Variants in PRKD1 observed in about 807,000 individuals in gnomAD.
PRKD1 encodes the protein serine/threonine-protein kinase D1.
PRKD1 carries 63 observed loss-of-function variants against 95.9 expected under a neutral mutation model. That is an observed-to-expected ratio of 0.66 (90% CI 0.54 to 0.81). The LOEUF is 0.81. PRKD1 is among the 30% of genes least tolerant of loss of function. The pLI, the probability that PRKD1 is intolerant of heterozygous loss-of-function variation, is 0.00. For synonymous variants in PRKD1, 425 were observed against 423.1 expected (o/e 1.00, Z -0.05); for missense variants, 1,048 against 1,165.3 (o/e 0.90, Z 1.47).
intron 3 of PRKD1, among the ~76,000 whole-genome samples, chr14:29,664,992 A>T (rs182778871): frequency 6.6e-6 from 1 of 152,278 alleles, no homozygotes; most frequent in East Asian, 1.9e-4. Context: ...TAGTCGGCTG[A>T]TAAAATATTG....
chr14:29,611,950 A>T (rs778930216), intron 13 of PRKD1, among the ~76,000 whole-genome samples: 1 of 152,172 alleles, frequency 6.6e-6, no homozygotes, highest in South Asian at 2.1e-4. Flanking sequence ...TTGGCATTAG[A>T]TTTTAAGTGT....
chr14:29,910,359 G>T (rs561670733), intron 1 of PRKD1, among the ~76,000 whole-genome samples: 2 of 152,018 alleles, frequency 1.3e-5, no homozygotes, highest in African/African-American at 4.8e-5. Flanking sequence ...CTCTGAACAC[G>T]TCCGAACATC....
intron 9 of PRKD1, among the ~76,000 whole-genome samples, chr14:29,632,417 T>A (rs1880065432): frequency 1.3e-5 from 2 of 151,928 alleles, no homozygotes; most frequent in Non-Finnish European, 2.9e-5. Context: ...AGAATAAAAA[T>A]TGCTGCCATT....
chr14:29,688,121 C>A (rs1883990064), intron 2 of PRKD1, among the ~76,000 whole-genome samples: 1 of 152,156 alleles, frequency 6.6e-6, no homozygotes, highest in African/African-American at 2.4e-5. Context: ...CCAGCTTTTG[C>A]ATTTCTTGGC....
At chr14:29,697,703 A>ATT (rs535078647) in intron 2 of PRKD1, among the ~76,000 whole-genome samples, 2 of 149,586 alleles carry the variant, frequency 1.3e-5, no homozygotes, top group Non-Finnish European at 3.0e-5. Flanking sequence ...GTTCCTTTTC[A>ATT]TTTTTTTTTT....
intron 2 of PRKD1, among the ~76,000 whole-genome samples, chr14:29,702,810 C>T (rs991869173): frequency 6.6e-6 from 1 of 152,072 alleles, no homozygotes; most frequent in Non-Finnish European, 1.5e-5. Context: ...TGATTTTCTT[C>T]CTGAGACCAT....
In PRKD1 at chr14:29,715,048, T is replaced by C. The variant is rs1004129098; in HGVS notation, c.403+10488A>G. 3.3e-5 allele frequency among the ~76,000 whole-genome samples: 5 copies of C among 152,172 alleles called. 1 individual carries two copies. The highest frequency in any genetic ancestry group is 3.3e-4 in the Admixed American group (5 of 15,258). ...GGGTGCGGCAATCCACCATGGCACA[T>C]GTATACCTATGTAACAAACCTGCAT... On this transcript the variant is annotated intron_variant, in intron 2 of 17. Transcript: ENST00000331968.
chr14:29,878,042 C>A (rs1408555075), intron 1 of PRKD1, among the ~76,000 whole-genome samples: 1 of 152,098 alleles, frequency 6.6e-6, no homozygotes, highest in African/African-American at 2.4e-5. Context: ...GGCAAACTAA[C>A]CTAGGAACAA....
intron 1 of PRKD1, among the ~76,000 whole-genome samples, chr14:29,924,507 C>T (rs1895231327): frequency 6.6e-6 from 1 of 152,122 alleles, no homozygotes; most frequent in Non-Finnish European, 1.5e-5. Context: ...CTAATATTTC[C>T]AATGCTCGTA....
At chr14:29,802,627 A>G (rs1049532843) in intron 1 of PRKD1, among the ~76,000 whole-genome samples, 3 of 152,234 alleles carry the variant, frequency 2.0e-5, no homozygotes, top group Admixed American at 6.5e-5. Context: ...AGTCAGTTGG[A>G]GCAACAGATA....
At chr14:29,829,085 C>T (rs1410988151) in intron 1 of PRKD1, among the ~76,000 whole-genome samples, 1 of 152,142 alleles carries the variant, frequency 6.6e-6, no homozygotes, top group African/African-American at 2.4e-5. Context: ...GGCCATGGCC[C>T]AGGCAAACCC....
chr14:29,884,862 C>G (rs1300314483), intron 1 of PRKD1, among the ~76,000 whole-genome samples: 2 of 152,182 alleles, frequency 1.3e-5, no homozygotes, highest in Non-Finnish European at 2.9e-5. Context: ...GTGGCTCACG[C>G]CTGTAATCCC....
chr14:29,723,605 G>A (rs1269442593), intron 2 of PRKD1, among the ~76,000 whole-genome samples: 1 of 152,002 alleles, frequency 6.6e-6, no homozygotes, highest in Non-Finnish European at 1.5e-5. Flanking sequence ...TGGGAGAGGA[G>A]CTGGGAGAGT....
intron 1 of PRKD1, among the ~76,000 whole-genome samples, chr14:29,864,171 T>A (rs568421949): frequency 6.6e-6 from 1 of 152,182 alleles, no homozygotes; most frequent in Admixed American, 6.5e-5. Flanking sequence ...ACAATGACCA[T>A]ATGTGAATTC....
At chr14:29,674,292 T>C (rs1424355408) in intron 2 of PRKD1, among the ~76,000 whole-genome samples, 1 of 152,186 alleles carries the variant, frequency 6.6e-6, no homozygotes, top group Admixed American at 6.5e-5. Context: ...AGCCTATGTT[T>C]CCACTCCAGA....
At chr14:29,750,806 G>A (rs1305640480) in intron 1 of PRKD1, among the ~76,000 whole-genome samples, 2 of 152,176 alleles carry the variant, frequency 1.3e-5, no homozygotes, top group Non-Finnish European at 2.9e-5. Flanking sequence ...AATGTTGAAT[G>A]AAATTATGTT....
chr14:29,918,972 T>G (rs1894987299), intron 1 of PRKD1, among the ~76,000 whole-genome samples: 1 of 152,194 alleles, frequency 6.6e-6, no homozygotes, highest in South Asian at 2.1e-4. Flanking sequence ...ACTTTTCAAC[T>G]GTTTTATAAT....
intron 16 of PRKD1, among the ~76,000 whole-genome samples, chr14:29,579,723 C>G (rs1892690606): frequency 6.6e-6 from 1 of 152,148 alleles, no homozygotes; most frequent in Admixed American, 6.5e-5. Context: ...TATTTGCCTG[C>G]CCTGAAGGGC....
intron 2 of PRKD1, among the ~76,000 whole-genome samples, chr14:29,674,434 A>G (rs1883038436): frequency 6.6e-6 from 1 of 152,214 alleles, no homozygotes; most frequent in Admixed American, 6.5e-5. Flanking sequence ...AAGAAGGGTC[A>G]CCATATCCTG....
Sources: gnomAD v4.1 joint callset for allele counts (sites outside exome capture counted in the v4.1 genomes callset) on GRCh38, gnomAD v4.1.1 for gene constraint, MANE v1.5 for transcripts, NCBI Gene and HGNC (gene_info 2026-07-23, HGNC 2026-07-21) for gene names.